RELN: variants seen among roughly 807,000 people sequenced by gnomAD.
The protein encoded by RELN is reelin.
RELN carries 108 observed loss-of-function variants against 427.6 expected under a neutral mutation model. That is an observed-to-expected ratio of 0.25 (90% CI 0.22 to 0.30). The LOEUF (loss-of-function observed/expected upper bound fraction) is 0.30. Ranked by LOEUF, RELN falls within the 10% of genes least tolerant of loss-of-function variation. The pLI is 1.00. For missense variants in RELN, 3,715 were observed against 4,302.8 expected, an observed-to-expected ratio of 0.86 and a Z score of 3.82; for synonymous variants, 1,524 against 1,513.4, an observed-to-expected ratio of 1.01 and a Z score of -0.16.
chr7:103,797,179 G>T (rs191149435), intron 3 of RELN, among the ~76,000 whole-genome samples: 11 of 152,148 alleles, frequency 7.2e-5, no homozygotes, highest in African/African-American at 2.7e-4. Flanking sequence ...TCTGCCTCAG[G>T]TTCGACCTGC....
At chr7:103,739,729 G>C (rs1464117781) in intron 6 of RELN, among the ~76,000 whole-genome samples, 1 of 152,196 alleles carries the variant, frequency 6.6e-6, no homozygotes, top group African/African-American at 2.4e-5. Context: ...AGCCGCTGGG[G>C]GAGTGGGGAT....
intron 33 of RELN, 103 bp downstream of exon 33, chr7:103,566,121 G>C: frequency 3.0e-6 from 3 of 1,011,814 alleles, no homozygotes; most frequent in Non-Finnish European, 4.6e-6. Flanking sequence ...AGCATGGGTA[G>C]TTAGGCACAC....
At position 103,515,351 on chromosome 7, in the gene RELN, G is replaced by C; in HGVS notation, c.7953C>G (p.Asn2651Lys). 1 of 1,614,134 alleles carries C rather than the reference G, an allele frequency of 6.2e-7. No individual in the cohort carries two copies. Residue 2651 changes from asparagine to lysine, a missense_variant, in exon 50 of 65, where the codon AAC (asparagine) becomes AAG (lysine). Around this residue, in one of 4 missense-constraint regions of RELN, gnomAD observed 1,310 missense variants for 1,643.0 expected, o/e 0.80. Transcript: ENST00000428762. The stretch of plus-strand genomic sequence containing the variant: ...TGAGGACATTGTCAATGGCCCAGTC[G>C]TTCTGATCCAGGCCGTCATGTCTTG... ...WQPRHDGLDQ[N>K]DWAIDNVLIS...
At chr7:103,933,344 G>T (rs1795904702) in intron 1 of RELN, among the ~76,000 whole-genome samples, 1 of 152,022 alleles carries the variant, frequency 6.6e-6, no homozygotes. Flanking sequence ...TTCAACCAAT[G>T]GCATTCATGA....
chr7:103,711,119 A>G lies in RELN; in HGVS notation c.806-10113T>C, dbSNP rs549016608. Among the ~76,000 whole-genome samples, 4 of 152,378 alleles carry G rather than the reference A, an allele frequency of 2.6e-5. No homozygotes were observed. The South Asian group carries it at 8.3e-4, about 32-fold the overall frequency. Reference sequence around the variant, plus strand: ...AAAGATATAAGGAAAAAAGTACTATAGAACATTTCAGGGAGTTAACAAAAA... The same window carrying G: ...AAAGATATAAGGAAAAAAGTACTATGGAACATTTCAGGGAGTTAACAAAAA... On this transcript the variant is annotated intron_variant, in intron 8 of 64. Coordinates refer to ENST00000428762, the MANE Select transcript of RELN (RefSeq NM_005045.4).
rs367650702 is a variant in RELN, at chr7:103,974,845, T to C, written c.226+14286A>G. ...ATTTAAATACAAACTAGCTACCCAT[T>C]CATCAAGATTGTTTCAAATTTATTT... On this transcript the variant is annotated intron_variant, in intron 1 of 64. Transcript: ENST00000428762. 6.6e-5 allele frequency among the ~76,000 whole-genome samples: 10 copies of C among 152,236 alleles called. No individual in the cohort carries two copies. In the East Asian group the frequency reaches 1.5e-3, roughly 23 times the overall value.
intron 44 of RELN, 45 bp downstream of exon 44, chr7:103,540,152 G>C (rs1830145624): frequency 1.9e-6 from 3 of 1,610,724 alleles, no homozygotes; most frequent in Non-Finnish European, 2.5e-6. Context: ...GCCACATTCA[G>C]CTCAAGTGAC....
At chr7:103,844,734 G>C (rs141030510) in intron 2 of RELN, among the ~76,000 whole-genome samples, 1 of 152,266 alleles carries the variant, frequency 6.6e-6, no homozygotes, top group African/African-American at 2.4e-5. Context: ...AGAACTGTGG[G>C]AATGATTAAG....
chr7:103,550,958 A>C, intron 41 of RELN, 109 bp downstream of exon 41: 1 of 860,232 alleles, frequency 1.2e-6, no homozygotes, highest in Non-Finnish European at 1.9e-6. Context: ...GAACAGAGGA[A>C]GAAACGTCAG....
chr7:103,586,074 TA>T (rs1349204636), intron 28 of RELN, among the ~76,000 whole-genome samples: 1 of 151,942 alleles, frequency 6.6e-6, no homozygotes, highest in Non-Finnish European at 1.5e-5. Flanking sequence ...CTCAAAATAA[TA>T]AAAGCCAGGC....
chr7:103,497,470 C>T (rs1016763895), intron 55 of RELN, among the ~76,000 whole-genome samples: 4 of 152,164 alleles, frequency 2.6e-5, no homozygotes, highest in Non-Finnish European at 5.9e-5. Context: ...CTTATTTACA[C>T]ATAAGCTGTT....
chr7:103,867,238 G>A (rs918978157), intron 2 of RELN, among the ~76,000 whole-genome samples: 9 of 151,938 alleles, frequency 5.9e-5, no homozygotes, highest in African/African-American at 1.4e-4. Context: ...TGTGCAGAGC[G>A]CAGTCAAACC....
intron 2 of RELN, among the ~76,000 whole-genome samples, chr7:103,890,340 G>C (rs955141299): frequency 6.6e-6 from 1 of 152,094 alleles, no homozygotes; most frequent in African/African-American, 2.4e-5. Flanking sequence ...CCCAACTGCA[G>C]GGCCACGGAG....
At chr7:103,983,742 C>T (rs756082889) in intron 1 of RELN, among the ~76,000 whole-genome samples, 1 of 152,132 alleles carries the variant, frequency 6.6e-6, no homozygotes, top group Non-Finnish European at 1.5e-5. Flanking sequence ...GCCTAAACCA[C>T]CTCTCTCTGT....
intron 3 of RELN, among the ~76,000 whole-genome samples, chr7:103,788,399 G>A (rs905657565): frequency 6.6e-6 from 1 of 152,120 alleles, no homozygotes; most frequent in African/African-American, 2.4e-5. Flanking sequence ...ACATCAAATT[G>A]TCTCTGTTTG....
rs145272814 is a variant in RELN at position 103,795,154 on chromosome 7, C to A, written c.474-18527G>T. 1.2e-3 allele frequency among the ~76,000 whole-genome samples: 179 copies of A among 152,286 alleles called. 2 individuals are homozygous for A. Among genetic ancestry groups the A allele is most frequent in the African/African-American group, 4.1e-3 (171 of 41,568 alleles). ...TTGAAGTCAATTTGTATGGAACAATCATAACAAGCTTCCTGCATTGCTTTG... is the reference window on the plus strand; with the variant it reads ...TTGAAGTCAATTTGTATGGAACAATAATAACAAGCTTCCTGCATTGCTTTG... On this transcript the variant is annotated intron_variant, in intron 3 of 64. Transcript: ENST00000428762.
intron 22 of RELN, among the ~76,000 whole-genome samples, chr7:103,608,954 G>A (rs1831881345): frequency 6.6e-6 from 1 of 152,094 alleles, no homozygotes; most frequent in Non-Finnish European, 1.5e-5. Flanking sequence ...TAGGCGCGGT[G>A]GGTCATGCCT....
chr7:103,642,773 T>C (rs576671951), intron 16 of RELN, among the ~76,000 whole-genome samples: 22 of 152,224 alleles, frequency 1.4e-4, no homozygotes, highest in African/African-American at 5.3e-4. Context: ...ATCAAAGTAA[T>C]AAAGGTTCAT....
intron 57 of RELN, among the ~76,000 whole-genome samples, chr7:103,494,365 T>TTGTGTGTGTGTG (rs58533286): frequency 1.8e-3 from 212 of 118,304 alleles, no homozygotes; most frequent in African/African-American, 6.8e-3. Context: ...GTAATGACTT[T>TTGTGTGTGTGTG]TGTGTGTGTG....
Sources: gnomAD v4.1 joint callset for allele counts (sites outside exome capture counted in the v4.1 genomes callset) on GRCh38, gnomAD v4.1.1 for gene constraint, gnomAD v4.1.1 regional missense constraint, MANE v1.5 for transcripts, NCBI Gene and HGNC (gene_info 2026-07-23, HGNC 2026-07-21) for gene names.